Variants in ACYP2 observed in about 807,000 individuals in gnomAD.
ACYP2 encodes acylphosphatase-2.
A neutral mutation model predicts 11.2 loss-of-function variants in ACYP2; 12 were observed. The ratio of observed to expected loss-of-function variants is 1.08; its 90% CI spans 0.69 to 1.74. ACYP2 has a LOEUF of 1.74. Among genes scored for constraint, ACYP2 ranks in the 40% most tolerant of loss-of-function variants. ACYP2 has a pLI of 0.00. For synonymous variants in ACYP2, 43 were observed against 32.2 expected (o/e 1.33, Z -1.13); for missense variants, 134 against 101.9 (o/e 1.31, Z -1.35).
chr2:54,040,880 TGAAAGAGGAAG>T (rs1675184377), intron 2 of ACYP2, among the ~76,000 whole-genome samples: 1 of 152,026 alleles, frequency 6.6e-6, no homozygotes, highest in Non-Finnish European at 1.5e-5. Context: ...AGGTAGTAGC[TGAAAGAGGAAG>T]TGAGGTCAAC....
intron 2 of ACYP2, among the ~76,000 whole-genome samples, chr2:54,017,701 A>G (rs757895143): frequency 6.6e-6 from 1 of 152,184 alleles, no homozygotes; most frequent in East Asian, 1.9e-4. Context: ...TATGAAAAAT[A>G]GTATTCCTTT....
intron 6 of ACYP2, among the ~76,000 whole-genome samples, chr2:54,207,417 T>C (rs977222433): frequency 1.3e-5 from 2 of 152,326 alleles, no homozygotes; most frequent in South Asian, 2.1e-4. Context: ...AGTTCTTCAA[T>C]TGGTTGGGTG....
At chr2:54,203,390 T>C (rs369818076) in intron 6 of ACYP2, among the ~76,000 whole-genome samples, 1 of 152,300 alleles carries the variant, frequency 6.6e-6, no homozygotes, top group East Asian at 1.9e-4. Context: ...CATCTATATA[T>C]AAGATCATGT....
chr2:54,005,342 A>ATTT (rs768882230), intron 2 of ACYP2, among the ~76,000 whole-genome samples: 3 of 141,802 alleles, frequency 2.1e-5, no homozygotes, highest in African/African-American at 5.2e-5. Flanking sequence ...ATGAAAGTCT[A>ATTT]TTTTTTTTTT....
chr2:54,242,914 G>A (rs950955350), intron 6 of ACYP2, among the ~76,000 whole-genome samples: 7 of 152,166 alleles, frequency 4.6e-5, no homozygotes, highest in African/African-American at 1.7e-4. Flanking sequence ...ATGCATGACC[G>A]TATGTATTAT....
intron 2 of ACYP2, among the ~76,000 whole-genome samples, chr2:54,009,108 G>T (rs1417791640): frequency 2.6e-5 from 4 of 151,492 alleles, no homozygotes; most frequent in Non-Finnish European, 5.9e-5. Context: ...AGCCAAGACT[G>T]TGCCACTGCA....
At chr2:54,202,696 C>T (rs545806458) in intron 6 of ACYP2, among the ~76,000 whole-genome samples, 4 of 130,912 alleles carry the variant, frequency 3.1e-5, no homozygotes, top group East Asian at 4.5e-4. Context: ...GTGTGAGCCA[C>T]GGCGCCTGGC....
chr2:54,014,935 T>C (rs1337855963), intron 2 of ACYP2, among the ~76,000 whole-genome samples: 4 of 152,040 alleles, frequency 2.6e-5, no homozygotes, highest in Non-Finnish European at 4.4e-5. Flanking sequence ...CCCCATGTTT[T>C]TGGTGTATTT....
chr2:54,076,993 A>T (rs1677375509), intron 4 of ACYP2, among the ~76,000 whole-genome samples: 1 of 134,550 alleles, frequency 7.4e-6, no homozygotes, highest in African/African-American at 2.5e-5. Flanking sequence ...ACCGTATTGA[A>T]TTTTACTAAA....
chr2:54,071,473 CT>C (rs941366584), intron 4 of ACYP2, among the ~76,000 whole-genome samples: 22 of 148,598 alleles, frequency 1.5e-4, no homozygotes, highest in East Asian at 3.9e-4. Flanking sequence ...TCTTTTCTGT[CT>C]TTTTTTTTTG....
chr2:54,119,130 G>C (rs1432994406), intron 4 of ACYP2, among the ~76,000 whole-genome samples: 1 of 127,614 alleles, frequency 7.8e-6, no homozygotes, highest in African/African-American at 3.0e-5. Context: ...GCTCACTGCA[G>C]CCTTGAGCTC....
chr2:54,062,174 TG>T (rs1468513034), intron 4 of ACYP2, among the ~76,000 whole-genome samples: 6 of 152,138 alleles, frequency 3.9e-5, no homozygotes, highest in Non-Finnish European at 8.8e-5. Context: ...GAGTAACATC[TG>T]GGGGTTACAG....
intron 6 of ACYP2, among the ~76,000 whole-genome samples, chr2:54,201,636 C>CTCTTTCTT (rs1553391343): frequency 0.032 from 3,034 of 93,438 alleles, 110 homozygotes; most frequent in South Asian, 0.041. Flanking sequence ...TTCTTTCTTT[C>CTCTTTCTT]TCTTTCTTTC....
chr2:54,119,248 A>G (rs1250268076), intron 4 of ACYP2, among the ~76,000 whole-genome samples: 3 of 151,426 alleles, frequency 2.0e-5, no homozygotes, highest in African/African-American at 7.3e-5. Flanking sequence ...GTAGAGAGGG[A>G]GTCTCACTAT....
chr2:54,257,790 ATG>A (rs1229130374), intron 6 of ACYP2, among the ~76,000 whole-genome samples: 1 of 152,228 alleles, frequency 6.6e-6, no homozygotes, highest in Non-Finnish European at 1.5e-5. Context: ...GATGAAATAT[ATG>A]GCTTCATAGA....
At chr2:54,085,083 A>T (rs1677880050) in intron 4 of ACYP2, 2 of 152,200 alleles carry the variant, frequency 1.3e-5, no homozygotes, top group Non-Finnish European at 1.5e-5. Flanking sequence ...TCTTTGTTCA[A>T]CGTCGTTTTG....
At chr2:54,144,843 A>C (rs1681815150) in intron 6 of ACYP2, among the ~76,000 whole-genome samples, 1 of 152,060 alleles carries the variant, frequency 6.6e-6, no homozygotes, top group Admixed American at 6.6e-5. Context: ...TATTGATTAT[A>C]ATTTTTGGGA....
At chr2:54,142,920 C>T (rs1681684724) in intron 6 of ACYP2, 2 of 152,170 alleles carry the variant, frequency 1.3e-5, no homozygotes, top group Admixed American at 6.5e-5. Flanking sequence ...ATGACTTTTT[C>T]ACTATTGCAT....
chr2:54,173,015 A>G (rs1219934287), intron 6 of ACYP2, among the ~76,000 whole-genome samples: 1 of 152,222 alleles, frequency 6.6e-6, no homozygotes, highest in Admixed American at 6.5e-5. Flanking sequence ...ATATGTGTGC[A>G]TGTGTCTTTA....
Sources: allele counts gnomAD v4.1 joint callset (sites outside exome capture counted in the v4.1 genomes callset), GRCh38; gene constraint gnomAD v4.1.1; transcripts MANE v1.5; gene names NCBI Gene and HGNC (gene_info 2026-07-23, HGNC 2026-07-21).